The following FRMPD4 variants were observed in gnomAD, a reference collection of about 807,000 sequenced individuals.
FRMPD4 encodes the protein FERM and PDZ domain-containing protein 4.
A neutral mutation model predicts 94.1 loss-of-function variants in FRMPD4; 22 were observed. That is an observed-to-expected ratio of 0.23 (90% CI 0.17 to 0.33). The LOEUF is 0.33. Ranked by LOEUF, FRMPD4 falls within the 10% of genes least tolerant of loss-of-function variation. FRMPD4 has a pLI of 1.00. For missense variants in FRMPD4, 1,111 were observed against 1,339.9 expected, an observed-to-expected ratio of 0.83 and a Z score of 2.67; for synonymous variants, 631 against 548.6, an observed-to-expected ratio of 1.15 and a Z score of -2.10.
At chrX:12,143,664 G>A (rs189499112) in intron 1 of FRMPD4, among the ~76,000 whole-genome samples, 35 of 111,447 alleles carry the variant, frequency 3.1e-4, no homozygotes, top group East Asian at 3.1e-3. Context: ...TGACCCCTGG[G>A]TTAAACAATG....
intron 1 of FRMPD4, among the ~76,000 whole-genome samples, chrX:12,165,530 T>C (rs907153386): frequency 2.7e-5 from 3 of 111,892 alleles, no homozygotes; most frequent in African/African-American, 6.5e-5. Context: ...CTTGGCAATG[T>C]AGGCTCTTTT....
chrX:12,178,064 G>A (rs989836327), intron 1 of FRMPD4, among the ~76,000 whole-genome samples: 1 of 111,213 alleles, frequency 9.0e-6, no homozygotes, highest in African/African-American at 3.3e-5. Context: ...GGGCCTTTGG[G>A]AGGTGATTAG....
At chrX:12,406,006 T>C (rs1158967337) in intron 1 of FRMPD4, among the ~76,000 whole-genome samples, 1 of 111,422 alleles carries the variant, frequency 9.0e-6, no homozygotes, top group Non-Finnish European at 1.9e-5. Context: ...CCGATTATGC[T>C]AGAGGTCCTC....
At chrX:12,161,841 C>T (rs1290843466) in intron 1 of FRMPD4, among the ~76,000 whole-genome samples, 4 of 111,316 alleles carry the variant, frequency 3.6e-5, no homozygotes, top group East Asian at 2.8e-4. Flanking sequence ...GTCTCATTTC[C>T]GATAATGTGA....
Position 12,567,594 on chromosome X carries a change from G to C in FRMPD4, c.159-42127G>C, listed in dbSNP as rs950839183. Reference sequence around the variant, plus strand: ...AGAGAAATGAGCAGGAATTGAAATAGTTGGGTAGATGGGGTGATGCCTACA... The same window carrying C: ...AGAGAAATGAGCAGGAATTGAAATACTTGGGTAGATGGGGTGATGCCTACA... On this transcript the variant is annotated intron_variant, in intron 2 of 16. Transcript: ENST00000675598. 6.2e-5 allele frequency among the ~76,000 whole-genome samples: 7 copies of C among 112,161 alleles called. No individual in the cohort carries two copies. The Admixed American group carries it at 6.6e-4, about 11-fold the overall frequency.
intron 3 of FRMPD4, among the ~76,000 whole-genome samples, chrX:12,053,398 GA>G (rs1355382735): frequency 1.1e-5 from 1 of 88,943 alleles, no homozygotes; most frequent in Middle Eastern, 5.4e-3. Context: ...AAGAAAGAAA[GA>G]AAGAAAGAAA....
chrX:12,085,823 T>C (rs1358211076), intron 3 of FRMPD4, among the ~76,000 whole-genome samples: 1 of 111,769 alleles, frequency 8.9e-6, no homozygotes, highest in Non-Finnish European at 1.9e-5. Context: ...GAACTGTGAT[T>C]GCACCACTGT....
Position 12,670,695 on chromosome X carries a change from A to C in FRMPD4, c.423-4168A>C, listed in dbSNP as rs191803165. Reference sequence around the variant, plus strand: ...TGGAATGGGGAAAGGCTTCATGACTAAAACACCAAAAGCAATGGCTACGAA... The same window carrying C: ...TGGAATGGGGAAAGGCTTCATGACTCAAACACCAAAAGCAATGGCTACGAA... On this transcript the variant is annotated intron_variant, in intron 4 of 16. Coordinates refer to ENST00000675598, the MANE Select transcript of FRMPD4 (RefSeq NM_001368397.1). 5.5e-4 allele frequency among the ~76,000 whole-genome samples: 62 copies of C among 112,385 alleles called. 1 individual carries two copies. The East Asian group carries it at 0.016, about 29-fold the overall frequency.
chrX:12,125,596 G>A (rs1394684123), intron 3 of FRMPD4, among the ~76,000 whole-genome samples: 4 of 110,489 alleles, frequency 3.6e-5, no homozygotes, highest in African/African-American at 1.3e-4. Context: ...GGGTCAGGTG[G>A]GTAGAGGCTG....
intron 2 of FRMPD4, among the ~76,000 whole-genome samples, chrX:12,517,278 G>A (rs773663615): frequency 9.2e-6 from 1 of 108,957 alleles, no homozygotes; most frequent in Non-Finnish European, 1.9e-5. Context: ...AGGAGAAGAG[G>A]CACTCTGGCT....
At chrX:12,365,457 G>A (rs1298855114) in intron 1 of FRMPD4, among the ~76,000 whole-genome samples, 1 of 111,569 alleles carries the variant, frequency 9.0e-6, no homozygotes, top group Non-Finnish European at 1.9e-5. Context: ...CATGGGTATA[G>A]GGACAGGCAG....
intron 4 of FRMPD4, among the ~76,000 whole-genome samples, chrX:12,645,438 C>G (rs990678863): frequency 3.9e-5 from 4 of 103,243 alleles, no homozygotes; most frequent in Admixed American, 2.1e-4. Flanking sequence ...TCACCACAAC[C>G]TTCACCTCCC....
chrX:12,632,568 G>A (rs1322980232), intron 4 of FRMPD4, among the ~76,000 whole-genome samples: 1 of 112,095 alleles, frequency 8.9e-6, no homozygotes, highest in Non-Finnish European at 1.9e-5. Flanking sequence ...GTAGATGAAT[G>A]GTTCCCCAAT....
At chrX:12,618,028 C>T (rs998960817) in intron 4 of FRMPD4, among the ~76,000 whole-genome samples, 1 of 111,733 alleles carries the variant, frequency 8.9e-6, no homozygotes, top group East Asian at 2.8e-4. Flanking sequence ...ATTCTGTTCA[C>T]TTCATAGTCT....
intron 5 of FRMPD4, among the ~76,000 whole-genome samples, chrX:12,677,846 A>T (rs1229757897): frequency 2.7e-5 from 3 of 111,832 alleles, no homozygotes; most frequent in African/African-American, 9.8e-5. Context: ...AAATTCTTTG[A>T]TAAGAAGTAA....
chrX:12,649,509 C>T (rs993404497), intron 4 of FRMPD4, among the ~76,000 whole-genome samples: 1 of 111,585 alleles, frequency 9.0e-6, no homozygotes, highest in Non-Finnish European at 1.9e-5. Flanking sequence ...AGAGTTGAAC[C>T]TGCAACTCGG....
rs146285619 is a variant in FRMPD4 at position 11,911,671 on chromosome X, T to C, written c.95+33653T>C. ...GCAAACGCAAGCAAAGAGACAAAGG[T>C]AGACATTTGGGAATGACTGCTGGTG... On this transcript the variant is annotated intron_variant, in intron 3 of 18. Coordinates refer to the FRMPD4 transcript ENST00000640291. 9.7e-3 allele frequency among the ~76,000 whole-genome samples: 1,075 copies of C among 111,129 alleles called. 6 individuals carry two copies. Among genetic ancestry groups the C allele is most frequent in the Non-Finnish European group, 0.014 (767 of 52,942 alleles).
chrX:12,031,533 A>T (rs2054691821), intron 3 of FRMPD4, among the ~76,000 whole-genome samples: 2 of 111,492 alleles, frequency 1.8e-5, no homozygotes, highest in African/African-American at 6.5e-5. Flanking sequence ...ACCAGGGATG[A>T]ATTTGTCACT....
chrX:12,652,964 A>G lies in FRMPD4; in HGVS notation c.423-21899A>G, dbSNP rs148139222. 1.7e-3 allele frequency among the ~76,000 whole-genome samples: 186 copies of G among 111,987 alleles called. 1 individual carries two copies. The highest frequency in any genetic ancestry group is 5.6e-3 in the African/African-American group (174 of 30,853). On this transcript the variant is annotated intron_variant, in intron 4 of 16. Coordinates refer to ENST00000675598, the MANE Select transcript of FRMPD4 (RefSeq NM_001368397.1). Reference sequence around the variant, plus strand: ...ACTTCAGCTCTAGTGGGAGAATGCAAAGCTACATGAAAGTGCATGGATACA... The same window carrying G: ...ACTTCAGCTCTAGTGGGAGAATGCAGAGCTACATGAAAGTGCATGGATACA...
Sources: gnomAD v4.1 joint callset for allele counts (sites outside exome capture counted in the v4.1 genomes callset) on GRCh38, gnomAD v4.1.1 for gene constraint, MANE v1.5 for transcripts, NCBI Gene and HGNC (gene_info 2026-07-23, HGNC 2026-07-21) for gene names.